The following ZFAND3 variants were observed in gnomAD, a reference collection of about 807,000 sequenced individuals.
The protein encoded by ZFAND3 is zinc finger AN1-type containing 3.
ZFAND3 carries 10 observed loss-of-function variants against 29.6 expected under a neutral mutation model. The ratio of observed to expected loss-of-function variants is 0.34; its 90% CI spans 0.21 to 0.57. The LOEUF is 0.57. Among genes scored for constraint, ZFAND3 ranks in the 20% least tolerant of loss-of-function variants. The pLI is 0.86. For missense variants in ZFAND3, 230 were observed against 304.5 expected (o/e 0.76, Z 1.82); for synonymous variants, 128 against 112.6 (o/e 1.14, Z -0.87).
At chr6:38,152,080 G>T (rs920753596) in intron 5 of ZFAND3, among the ~76,000 whole-genome samples, 155 bp from the exon 6 acceptor site, 5 of 152,180 alleles carry the variant, frequency 3.3e-5, no homozygotes, top group Non-Finnish European at 7.3e-5. Flanking sequence ...TGCAGGTGTT[G>T]GAGTGAGCTC....
intron 1 of ZFAND3, among the ~76,000 whole-genome samples, chr6:37,823,192 G>A (rs79287099): frequency 0.024 from 3,643 of 152,262 alleles, 165 homozygotes; most frequent in African/African-American, 0.082. Context: ...CTGTGGTGGC[G>A]TGAACCAGTG....
At chr6:38,035,588 G>A (rs1008233651) in intron 2 of ZFAND3, among the ~76,000 whole-genome samples, 2 of 152,134 alleles carry the variant, frequency 1.3e-5, no homozygotes, top group Non-Finnish European at 2.9e-5. Flanking sequence ...ATTAGCATAT[G>A]GGAGATCCTC....
intron 2 of ZFAND3, among the ~76,000 whole-genome samples, chr6:37,993,638 T>C (rs1762799124): frequency 1.3e-5 from 2 of 152,228 alleles, no homozygotes; most frequent in South Asian, 4.1e-4. Flanking sequence ...GTTTTATTTT[T>C]AAAGAGACTG....
chr6:38,017,545 T>C (rs1047772136), intron 2 of ZFAND3, among the ~76,000 whole-genome samples: 1 of 152,180 alleles, frequency 6.6e-6, no homozygotes, highest in African/African-American at 2.4e-5. Flanking sequence ...AGAGCTTGTC[T>C]TTTCATTTTG....
At chr6:37,914,167 T>C (rs1321912227) in intron 1 of ZFAND3, among the ~76,000 whole-genome samples, 3 of 152,210 alleles carry the variant, frequency 2.0e-5, no homozygotes, top group East Asian at 3.8e-4. Flanking sequence ...ATCAGAACTC[T>C]TGGGTGACCA....
At chr6:37,933,555 G>A (rs1761636796) in intron 2 of ZFAND3, among the ~76,000 whole-genome samples, 1 of 152,210 alleles carries the variant, frequency 6.6e-6, no homozygotes, top group African/African-American at 2.4e-5. Flanking sequence ...TATATGCAGA[G>A]TGACAGTTGC....
intron 2 of ZFAND3, among the ~76,000 whole-genome samples, chr6:38,057,375 G>C (rs1227831937): frequency 6.6e-6 from 1 of 152,120 alleles, no homozygotes; most frequent in Non-Finnish European, 1.5e-5. Flanking sequence ...CAGAAAGAAA[G>C]GCCTAAGAGA....
intron 1 of ZFAND3, among the ~76,000 whole-genome samples, chr6:37,861,633 T>C (rs1322575333): frequency 1.3e-5 from 2 of 152,212 alleles, no homozygotes; most frequent in Non-Finnish European, 2.9e-5. Context: ...TTATGAAATA[T>C]TATGAAAGAA....
intron 4 of ZFAND3, among the ~76,000 whole-genome samples, chr6:38,094,016 TTCTA>T (rs1425182205): frequency 8.5e-5 from 13 of 152,154 alleles, no homozygotes; most frequent in Non-Finnish European, 1.5e-4. Context: ...GAAGGGTTAT[TTCTA>T]TCTAAGAGTG....
chr6:37,839,652 C>T (rs1331484561), intron 1 of ZFAND3, among the ~76,000 whole-genome samples: 3 of 151,600 alleles, frequency 2.0e-5, no homozygotes, highest in Non-Finnish European at 2.9e-5. Context: ...GTAGCTGGGA[C>T]TACAGGCGTG....
chr6:37,895,497 G>T (rs1765186358), intron 1 of ZFAND3, among the ~76,000 whole-genome samples: 3 of 109,762 alleles, frequency 2.7e-5, no homozygotes, highest in Admixed American at 1.0e-4. Context: ...TATATGTCTA[G>T]ACTTAACTTT....
At chr6:37,829,624 T>G (rs991758270) in intron 1 of ZFAND3, among the ~76,000 whole-genome samples, 2 of 152,264 alleles carry the variant, frequency 1.3e-5, no homozygotes, top group African/African-American at 2.4e-5. Context: ...ACTTTTAATT[T>G]TTTTTATTGA....
chr6:38,084,314 C>T (rs1764718643), intron 4 of ZFAND3, among the ~76,000 whole-genome samples: 1 of 152,178 alleles, frequency 6.6e-6, no homozygotes, highest in South Asian at 2.1e-4. Context: ...CTAAGCTTAG[C>T]CACTTACCAG....
chr6:37,909,441 A>G (rs1765479954), intron 1 of ZFAND3, among the ~76,000 whole-genome samples: 1 of 151,348 alleles, frequency 6.6e-6, no homozygotes, highest in Non-Finnish European at 1.5e-5. Context: ...CACCATGCCC[A>G]GCTAATTTTT....
chr6:37,875,145 C>T lies in ZFAND3; in HGVS notation c.72-54814C>T, dbSNP rs535939831. On this transcript the variant is annotated intron_variant, in intron 1 of 5. Transcript: ENST00000287218. ...GTACCTGAGTATAGGATTATGTCTT[C>T]TCAGACATTTAGAATTCAGGTTCAA... 2.4e-4 allele frequency among the ~76,000 whole-genome samples: 36 copies of T among 152,258 alleles called. 1 individual carries two copies. In the South Asian group the frequency reaches 7.0e-3, roughly 30 times the overall value.
chr6:37,957,933 G>T (rs576767866), intron 2 of ZFAND3, among the ~76,000 whole-genome samples: 2 of 152,286 alleles, frequency 1.3e-5, no homozygotes, highest in East Asian at 1.9e-4. Flanking sequence ...TGATTTGTTT[G>T]ACTATATTTA....
chr6:37,894,067 C>T (rs1345811255), intron 1 of ZFAND3, among the ~76,000 whole-genome samples: 1 of 151,992 alleles, frequency 6.6e-6, no homozygotes, highest in Non-Finnish European at 1.5e-5. Context: ...GCAGCCTGGG[C>T]AACATGGTGA....
intron 2 of ZFAND3, among the ~76,000 whole-genome samples, chr6:37,946,508 G>A (rs1424122040): frequency 6.6e-6 from 1 of 152,090 alleles, no homozygotes. Flanking sequence ...ATTCCTTCAT[G>A]CACACTGTAA....
At chr6:37,897,909 A>G (rs752192602) in intron 1 of ZFAND3, among the ~76,000 whole-genome samples, 16 of 152,176 alleles carry the variant, frequency 1.1e-4, no homozygotes, top group Non-Finnish European at 1.5e-4. Context: ...TTATTGATTT[A>G]TAGTTCTTTT....
Sources: allele counts gnomAD v4.1 joint callset (sites outside exome capture counted in the v4.1 genomes callset), GRCh38; gene constraint gnomAD v4.1.1; transcripts MANE v1.5; gene names NCBI Gene and HGNC (gene_info 2026-07-23, HGNC 2026-07-21).